RCN3: variants seen among roughly 807,000 people sequenced by gnomAD.
The protein encoded by RCN3 is reticulocalbin 3.
A neutral mutation model predicts 35.9 loss-of-function variants in RCN3; 41 were observed. The ratio of observed to expected loss-of-function variants is 1.14; its 90% confidence interval spans 0.89 to 1.48. RCN3 has a LOEUF of 1.48. Ranked by LOEUF, RCN3 falls within the 40% of genes most tolerant of loss-of-function variation. The pLI, the probability that RCN3 is intolerant of heterozygous loss-of-function variation, is 0.00. For synonymous variants in RCN3, 187 were observed against 193.4 expected (o/e 0.97, Z 0.27); for missense variants, 451 against 471.3 (o/e 0.96, Z 0.40).
intron 5 of RCN3, among the ~76,000 whole-genome samples, chr19:49,539,783 C>T (rs1048841790): frequency 3.6e-5 from 5 of 138,816 alleles, no homozygotes; most frequent in Non-Finnish European, 6.0e-5. Context: ...AGCGCGGTGG[C>T]GTGGTATCGG....
chr19:49,534,742 C>T (rs769741458), intron 3 of RCN3, among the ~76,000 whole-genome samples: 8 of 152,080 alleles, frequency 5.3e-5, no homozygotes, highest in Non-Finnish European at 5.9e-5. Flanking sequence ...AACTAAGCTA[C>T]CCAGGTTCCC....
chr19:49,532,254 T>C lies in RCN3; in HGVS notation c.243-1939T>C, dbSNP rs1196779294. 3.1e-5 allele frequency among the ~76,000 whole-genome samples: 4 copies of C among 131,126 alleles called. 1 individual carries two copies. Among genetic ancestry groups the C allele is most frequent in the Admixed American group, 3.0e-4 (4 of 13,150 alleles). The allele number at this position is 131,126 out of a possible 152,430, so 86.0% of individuals were successfully genotyped here. ...CCGAGTAGCTGGGACTACAGGCACC[T>C]GCCACCACGCCCGGCTAATTTTTTG... On this transcript the variant is annotated intron_variant, in intron 2 of 6. Transcript: ENST00000270645.
chr19:49,536,457 T>G (rs1380448406), intron 3 of RCN3, among the ~76,000 whole-genome samples: 2 of 150,620 alleles, frequency 1.3e-5, no homozygotes, highest in East Asian at 2.0e-4. Context: ...CCCACCACCA[T>G]GCCAGGCAAA....
chr19:49,532,653 C>T (rs1253978168), intron 2 of RCN3, among the ~76,000 whole-genome samples: 11 of 151,662 alleles, frequency 7.3e-5, no homozygotes, highest in African/African-American at 1.9e-4. Flanking sequence ...GGATTACAGG[C>T]GTGAGCCACC....
chr19:49,530,745 C>G (rs909741385), intron 2 of RCN3, among the ~76,000 whole-genome samples: 3 of 152,176 alleles, frequency 2.0e-5, no homozygotes, highest in African/African-American at 7.2e-5. Flanking sequence ...ATCTGCCCAC[C>G]TCGGCCTCCC....
intron 5 of RCN3, among the ~76,000 whole-genome samples, chr19:49,542,092 TCTTG>T (rs1214689466): frequency 6.7e-6 from 1 of 149,936 alleles, no homozygotes; most frequent in Non-Finnish European, 1.5e-5. Context: ...AGAAACAGGG[TCTTG>T]CTATGTTGCC....
Position 49,530,596 on chromosome 19 carries a change from A to G in RCN3, c.242+1882A>G, listed in dbSNP as rs1209266978. ...ACCACAACCTCCGCCTCCTGGGTTCAAGTGATTCTCCTGCCTCAGCCTTCC... is the reference window on the plus strand; with the variant it reads ...ACCACAACCTCCGCCTCCTGGGTTCGAGTGATTCTCCTGCCTCAGCCTTCC... On this transcript the variant is annotated intron_variant, in intron 2 of 6. Coordinates refer to ENST00000270645, the MANE Select transcript of RCN3 (RefSeq NM_020650.3). Among the ~76,000 whole-genome samples, 3 of 148,514 alleles carry G rather than the reference A, an allele frequency of 2.0e-5. No individual in the cohort carries two copies. In the East Asian group the frequency reaches 6.0e-4, roughly 30 times the overall value.
intron 2 of RCN3, 65 bp from the exon 3 acceptor site, chr19:49,534,128 C>T: frequency 7.4e-7 from 1 of 1,360,314 alleles, no homozygotes; most frequent in Non-Finnish European, 9.5e-7. Context: ...GGGGGCGTGG[C>T]CCGTGCGAGG....
At chr19:49,530,748 G>A (rs1046594863) in intron 2 of RCN3, among the ~76,000 whole-genome samples, 7 of 152,182 alleles carry the variant, frequency 4.6e-5, no homozygotes, top group Admixed American at 6.5e-5. Flanking sequence ...TGCCCACCTC[G>A]GCCTCCCGAA....
At chr19:49,539,235 G>A (rs1601217625) in intron 5 of RCN3, 56 bp downstream of exon 5, 1 of 1,422,328 alleles carries the variant, frequency 7.0e-7, no homozygotes, top group African/African-American at 1.4e-5. Flanking sequence ...GCATGGGCAG[G>A]GTTGGTGGGG....
In RCN3 at chr19:49,537,109, G is replaced by C; in HGVS notation, c.522G>C (p.Val174=). ...CTCGGGACGAGCGGCGTTTCCGGGT[G>C]GCCGACCAGGATGGGGACTCGATGG... ...MLARDERRFR[V]ADQDGDSMAT... The change falls in exon 4 of 7, where the codon GTG becomes GTC. Residue 174 remains valine (V), a synonymous_variant. Coordinates refer to ENST00000270645, the MANE Select transcript of RCN3 (RefSeq NM_020650.3). 6.3e-7 allele frequency: 1 copy of C among 1,598,776 alleles called. No individual in the cohort carries two copies. The highest frequency in any genetic ancestry group is 8.5e-7 in the Non-Finnish European group (1 of 1,171,730).
chr19:49,533,186 C>T (rs924912338), intron 2 of RCN3, among the ~76,000 whole-genome samples: 2 of 152,200 alleles, frequency 1.3e-5, no homozygotes, highest in African/African-American at 2.4e-5. Context: ...TTAACAACAC[C>T]AGGAACCTCA....
At chr19:49,529,724 G>T (rs1272114977) in intron 2 of RCN3, among the ~76,000 whole-genome samples, 2 of 119,150 alleles carry the variant, frequency 1.7e-5, no homozygotes, top group African/African-American at 3.5e-5. Flanking sequence ...GGTTGTTGGT[G>T]GGGGGGAGTT....
At chr19:49,537,242 T>G in intron 4 of RCN3, 37 bp downstream of exon 4, 1 of 1,422,664 alleles carries the variant, frequency 7.0e-7, no homozygotes, top group South Asian at 1.6e-5. Flanking sequence ...CCCCACACCC[T>G]TCCGGGGACC....
chr19:49,533,784 A>C (rs1057489667), intron 2 of RCN3, among the ~76,000 whole-genome samples: 5 of 152,008 alleles, frequency 3.3e-5, no homozygotes, highest in African/African-American at 1.2e-4. Context: ...GTTCAGAGTC[A>C]ATCTTGCAAC....
chr19:49,536,562 A>G (rs1427290934), intron 3 of RCN3, among the ~76,000 whole-genome samples: 1 of 151,152 alleles, frequency 6.6e-6, no homozygotes, highest in African/African-American at 2.4e-5. Flanking sequence ...CGGCCTCCCA[A>G]AGTGCTGGGA....
At chr19:49,542,954 G>A in intron 6 of RCN3, 152 bp from the exon 7 acceptor site, 1 of 740,244 alleles carries the variant, frequency 1.4e-6, no homozygotes, top group Non-Finnish European at 2.2e-6. Context: ...AAAGAGAGAA[G>A]GACAGGGACC....
At chr19:49,538,028 G>T (rs186743508) in intron 4 of RCN3, among the ~76,000 whole-genome samples, 130 of 147,102 alleles carry the variant, frequency 8.8e-4, no homozygotes, top group Middle Eastern at 3.5e-3. Context: ...GCCTAACTCT[G>T]TTACCCAGAC....
intron 2 of RCN3, among the ~76,000 whole-genome samples, chr19:49,532,381 T>TGG (rs1240550406): frequency 3.3e-5 from 5 of 151,506 alleles, no homozygotes; most frequent in African/African-American, 1.2e-4. Context: ...TTTTTGTTTG[T>TGG]TTGTTTGTTT....
Sources: gnomAD v4.1 joint callset for allele counts (sites outside exome capture counted in the v4.1 genomes callset) on GRCh38, gnomAD v4.1.1 for gene constraint, MANE v1.5 for transcripts, NCBI Gene and HGNC (gene_info 2026-07-23, HGNC 2026-07-21) for gene names.